Variants in PTGER3 observed in about 807,000 individuals in gnomAD.
PTGER3 encodes the protein prostaglandin E receptor 3.
A neutral mutation model predicts 34.7 loss-of-function variants in PTGER3; 22 were observed. That is an observed-to-expected ratio of 0.63 (90% CI 0.45 to 0.91). PTGER3 has a LOEUF of 0.91. Ranked by LOEUF, PTGER3 falls within the 40% of genes least tolerant of loss-of-function variation. The pLI is 0.00. For synonymous variants in PTGER3, 241 were observed against 230.1 expected (o/e 1.05, Z -0.43); for missense variants, 468 against 519.4 (o/e 0.90, Z 0.96).
rs547451504 is a variant in PTGER3 at position 71,025,181 on chromosome 1, C to T, written c.898-12697G>A. On this transcript the variant is annotated intron_variant, in intron 1 of 3. Coordinates refer to ENST00000306666, the MANE Select transcript of PTGER3 (RefSeq NM_198719.2). The stretch of plus-strand genomic sequence containing the variant: ...CCTTCCTTCTTTCCTTCCTTTTTTT[C>T]CTTCCTTCCTTCCTTCTTATTATAA... Among the ~76,000 whole-genome samples the T allele has an allele frequency of 1.9e-4, 28 of 147,114 alleles. 1 individual carries two copies. The East Asian group carries it at 5.4e-3, about 28-fold the overall frequency.
intron 4 of PTGER3, among the ~76,000 whole-genome samples, chr1:70,939,238 G>A (rs1202438818): frequency 1.3e-5 from 2 of 152,152 alleles, no homozygotes; most frequent in Non-Finnish European, 2.9e-5. Context: ...TCCAGGTCAG[G>A]CTGACGCAAG....
chr1:71,012,152 C>T, intron 2 of PTGER3, 153 bp downstream of exon 2: 3 of 1,534,764 alleles, frequency 2.0e-6, no homozygotes, highest in South Asian at 2.6e-5. Context: ...TGCCTAAATT[C>T]ACAGTAAGGT....
intron 4 of PTGER3, among the ~76,000 whole-genome samples, chr1:70,889,425 A>C (rs2100264811): frequency 6.6e-6 from 1 of 151,620 alleles, no homozygotes; most frequent in African/African-American, 2.4e-5. Flanking sequence ...AAAAAAAAAA[A>C]AAAAAAAAAA....
intron 4 of PTGER3, among the ~76,000 whole-genome samples, chr1:70,928,795 A>G (rs1406549842): frequency 1.3e-5 from 2 of 152,078 alleles, no homozygotes; most frequent in African/African-American, 2.4e-5. Context: ...ATTTAAAAAC[A>G]AGTACACAAT....
intron 4 of PTGER3, among the ~76,000 whole-genome samples, chr1:70,883,718 G>A (rs1284753013): frequency 6.6e-6 from 1 of 152,104 alleles, no homozygotes; most frequent in Non-Finnish European, 1.5e-5. Context: ...TTTTAGAGTT[G>A]CGACTTTGAC....
In PTGER3 at chr1:71,046,783, C is replaced by G. The variant is rs765780424; in HGVS notation, c.795G>C (p.Thr265=). The G allele has an allele frequency of 8.1e-6, 13 of 1,613,948 alleles. No individual in the cohort carries two copies. The highest frequency in any genetic ancestry group is 1.1e-5 in the South Asian group (1 of 91,082). ...ALVSRCRAKA[T]ASQSSAQWGR... ...CCCACTGGGCACTGGACTGAGATGC[C>G]GTGGCCTTGGCCCGGCAGCGGGACA... is the stretch of plus-strand genomic sequence containing the variant. Residue 265 remains threonine, a synonymous_variant, in exon 1 of 4, where the codon ACG becomes ACC. Coordinates refer to ENST00000306666, the MANE Select transcript of PTGER3 (RefSeq NM_198719.2).
chr1:70,887,573 C>T (rs1646524955), intron 4 of PTGER3, among the ~76,000 whole-genome samples: 1 of 151,984 alleles, frequency 6.6e-6, no homozygotes, highest in African/African-American at 2.4e-5. Context: ...CCTTTTAGTG[C>T]AATTCTAGGT....
chr1:70,915,156 A>T (rs939062258), intron 4 of PTGER3, among the ~76,000 whole-genome samples: 1 of 151,948 alleles, frequency 6.6e-6, no homozygotes, highest in African/African-American at 2.4e-5. Context: ...TTAGAAAAAA[A>T]TCAAGAACTG....
At chr1:70,994,496 C>T (rs148609509) in intron 2 of PTGER3, among the ~76,000 whole-genome samples, 4 of 149,932 alleles carry the variant, frequency 2.7e-5, no homozygotes, top group East Asian at 2.0e-4. Context: ...TCACTCTTGT[C>T]GCCCAGGCTG....
chr1:71,028,841 A>G (rs114489604), intron 1 of PTGER3, among the ~76,000 whole-genome samples: 2,953 of 152,326 alleles, frequency 0.019, 35 homozygotes, highest in South Asian at 0.043. Flanking sequence ...GGAGACAATA[A>G]AAGTAAAGAA....
intron 4 of PTGER3, among the ~76,000 whole-genome samples, chr1:70,906,663 T>C (rs1032591712): frequency 9.8e-5 from 15 of 152,308 alleles, no homozygotes; most frequent in Admixed American, 3.9e-4. Flanking sequence ...AATGCTGTTG[T>C]AAGGATTGAA....
At chr1:70,879,815 G>T (rs199600738) in intron 4 of PTGER3, among the ~76,000 whole-genome samples, 1 of 152,064 alleles carries the variant, frequency 6.6e-6, no homozygotes, top group East Asian at 1.9e-4. Context: ...GATATGTGTG[G>T]CCAGGTGCAG....
In PTGER3 at chr1:71,047,281, G is replaced by A; in HGVS notation, c.297C>T (p.Asp99=). The change falls in exon 1 of 4, where the codon GAC becomes GAT. Residue 99 remains aspartate (D), a synonymous_variant. Coordinates refer to ENST00000306666, the MANE Select transcript of PTGER3 (RefSeq NM_198719.2). ...LLCIGWLALT[D]LVGQLLTTPV... Reference sequence around the variant, plus strand: ...GGGTGGTGAGAAGCTGCCCGACCAGGTCGGTGAGCGCCAGCCAGCCGATGC... The same window carrying A: ...GGGTGGTGAGAAGCTGCCCGACCAGATCGGTGAGCGCCAGCCAGCCGATGC... 6.3e-7 allele frequency: 1 copy of A among 1,597,782 alleles called. No individual in the cohort carries two copies. Among genetic ancestry groups the A allele is most frequent in the Non-Finnish European group, 8.5e-7 (1 of 1,173,200 alleles).
chr1:70,967,598 A>G (rs929564939), downstream of PTGER3, among the ~76,000 whole-genome samples: 1 of 152,164 alleles, frequency 6.6e-6, no homozygotes, highest in African/African-American at 2.4e-5. Flanking sequence ...TATTTTTAGT[A>G]TGGCAATTAA....
At chr1:70,952,763 A>G in exon 4 of PTGER3, 1 of 1,310,054 alleles carries the variant, frequency 7.6e-7, no homozygotes, top group Non-Finnish European at 9.8e-7. Context: ...TGCCCAAATG[A>G]CCTGGCTTGC....
In PTGER3 at chr1:70,982,300, G is replaced by A. The variant is rs145856157; in HGVS notation, c.1078-7912C>T. On this transcript the variant is annotated intron_variant, in intron 2 of 3. Coordinates refer to ENST00000306666, the MANE Select transcript of PTGER3 (RefSeq NM_198719.2). The stretch of plus-strand genomic sequence containing the variant: ...AAATAAGCTCAGTCTTACACCTGCT[G>A]CCTCTCACTTTGGGAATATCATTTG... 1.6e-4 allele frequency among the ~76,000 whole-genome samples: 25 copies of A among 152,250 alleles called. No individual in the cohort carries two copies. The East Asian group carries it at 3.9e-3, about 24-fold the overall frequency.
At chr1:70,884,411 C>T (rs11808587) in intron 4 of PTGER3, among the ~76,000 whole-genome samples, 5,857 of 152,236 alleles carry the variant, frequency 0.038, 280 homozygotes, top group East Asian at 0.22. Context: ...TCCTAGTCAA[C>T]TGATTTTGAG....
chr1:71,031,440 G>A (rs1659410566), intron 1 of PTGER3, among the ~76,000 whole-genome samples: 1 of 152,128 alleles, frequency 6.6e-6, no homozygotes, highest in African/African-American at 2.4e-5. Context: ...CTGGGTGGGA[G>A]AGAAATCCCA....
chr1:70,974,353 G>T lies in PTGER3; in HGVS notation c.1113C>A (p.Ser371=). Residue 371 remains serine, a synonymous_variant, in exon 3 of 4, where the codon TCC becomes TCA. Transcript: ENST00000306666. ...AGGAACACTGGCAGGGTAAGGAGGTGGAGCTGGATGCATAGTTGTTTGTGT... is the reference window on the plus strand; with the variant it reads ...AGGAACACTGGCAGGGTAAGGAGGTTGAGCTGGATGCATAGTTGTTTGTGT... ...RYHTNNYASS[S]TSLPCQCSST... The T allele has an allele frequency of 1.6e-6, 2 of 1,257,360 alleles. No homozygotes were observed. Among genetic ancestry groups the T allele is most frequent in the Non-Finnish European group, 2.3e-6 (2 of 854,438 alleles). The allele number at this position is 1,257,360 out of a possible 1,614,324, so 77.9% of individuals were successfully genotyped here.
Sources: gnomAD v4.1 joint callset for allele counts (sites outside exome capture counted in the v4.1 genomes callset) on GRCh38, gnomAD v4.1.1 for gene constraint, MANE v1.5 for transcripts, NCBI Gene and HGNC (gene_info 2026-07-23, HGNC 2026-07-21) for gene names.